The following AGBL4 variants were observed in gnomAD, a reference collection of about 807,000 sequenced individuals.
AGBL4 encodes cytosolic carboxypeptidase 6.
A neutral mutation model predicts 66.4 loss-of-function variants in AGBL4; 58 were observed. The ratio of observed to expected loss-of-function variants is 0.87; its 90% CI spans 0.71 to 1.09. The LOEUF (loss-of-function observed/expected upper bound fraction) is 1.09, where lower values mean the gene tolerates loss of function less well. Ranked by LOEUF, AGBL4 falls within the 50% of genes least tolerant of loss-of-function variation. AGBL4 has a pLI of 0.00. For synonymous variants in AGBL4, 234 were observed against 222.9 expected, an observed-to-expected ratio of 1.05 and a Z score of -0.44; for missense variants, 579 against 631.0, an observed-to-expected ratio of 0.92 and a Z score of 0.88.
chr1:48,616,224 C>T (rs1645315619), intron 9 of AGBL4, among the ~76,000 whole-genome samples: 1 of 152,144 alleles, frequency 6.6e-6, no homozygotes, highest in Non-Finnish European at 1.5e-5. Flanking sequence ...CTGATCAGAA[C>T]TTGAATTTTA....
chr1:49,295,096 C>CTT (rs1248868774), intron 3 of AGBL4, among the ~76,000 whole-genome samples: 1 of 152,168 alleles, frequency 6.6e-6, no homozygotes, highest in Non-Finnish European at 1.5e-5. Context: ...GCATCCATGT[C>CTT]TTTGTTCTCA....
At chr1:49,073,551 C>A (rs1261316029) in intron 4 of AGBL4, among the ~76,000 whole-genome samples, 2 of 152,200 alleles carry the variant, frequency 1.3e-5, no homozygotes, top group African/African-American at 4.8e-5. Flanking sequence ...CCACTCCAAA[C>A]CTTGTTTGCC....
At chr1:49,249,876 C>G (rs1180782430) in intron 3 of AGBL4, among the ~76,000 whole-genome samples, 1 of 152,148 alleles carries the variant, frequency 6.6e-6, no homozygotes, top group East Asian at 1.9e-4. Context: ...AAAATACATA[C>G]ACAATGAAAT....
At chr1:49,404,465 T>C (rs1645153871) in intron 3 of AGBL4, among the ~76,000 whole-genome samples, 1 of 152,196 alleles carries the variant, frequency 6.6e-6, no homozygotes, top group Non-Finnish European at 1.5e-5. Context: ...TCCAGTGTGG[T>C]GTTTTGTGAG....
At chr1:48,751,493 A>C (rs1219284996) in intron 6 of AGBL4, among the ~76,000 whole-genome samples, 3 of 152,194 alleles carry the variant, frequency 2.0e-5, no homozygotes, top group African/African-American at 7.2e-5. Flanking sequence ...GCCTCAGGCA[A>C]GTTACCTAAT....
At chr1:49,200,717 A>G (rs934548075) in intron 4 of AGBL4, among the ~76,000 whole-genome samples, 4 of 152,222 alleles carry the variant, frequency 2.6e-5, no homozygotes, top group African/African-American at 9.6e-5. Flanking sequence ...TGCATAGGAC[A>G]AGGCATTTGG....
chr1:49,958,066 A>G (rs1397314837), intron 1 of AGBL4, among the ~76,000 whole-genome samples: 1 of 151,948 alleles, frequency 6.6e-6, no homozygotes, highest in Non-Finnish European at 1.5e-5. Flanking sequence ...TGGTGACAAA[A>G]TCTCTCAGCA....
chr1:49,277,908 C>A (rs1302176460), intron 3 of AGBL4, among the ~76,000 whole-genome samples: 1 of 152,138 alleles, frequency 6.6e-6, no homozygotes, highest in Non-Finnish European at 1.5e-5. Flanking sequence ...TAGTACAAGT[C>A]AACCTTTTTC....
intron 1 of AGBL4, among the ~76,000 whole-genome samples, chr1:49,927,591 T>C (rs1652904093): frequency 6.6e-6 from 1 of 151,900 alleles, no homozygotes; most frequent in Admixed American, 6.6e-5. Context: ...GTAGGGATTA[T>C]GGGGATTACA....
chr1:49,101,333 C>T (rs188452382), intron 4 of AGBL4, among the ~76,000 whole-genome samples: 39 of 152,052 alleles, frequency 2.6e-4, no homozygotes, highest in Admixed American at 9.8e-4. Flanking sequence ...ATTACAGGTG[C>T]GTGGCAGCAT....
intron 6 of AGBL4, among the ~76,000 whole-genome samples, chr1:48,674,400 A>T (rs919396257): frequency 6.6e-6 from 1 of 152,144 alleles, no homozygotes; most frequent in Non-Finnish European, 1.5e-5. Flanking sequence ...AAGTGATGAG[A>T]GCAGAGTAGA....
intron 3 of AGBL4, among the ~76,000 whole-genome samples, chr1:49,368,473 G>A (rs1412319627): frequency 6.6e-6 from 1 of 151,996 alleles, no homozygotes; most frequent in African/African-American, 2.4e-5. Context: ...CTATGAGGAA[G>A]TTACCATTAT....
At chr1:48,667,171 G>C (rs577414729) in intron 6 of AGBL4, among the ~76,000 whole-genome samples, 8 of 152,298 alleles carry the variant, frequency 5.3e-5, no homozygotes, top group South Asian at 4.1e-4. Context: ...GTACTCCTCT[G>C]TCCTTCAGTG....
chr1:48,538,605 G>C (rs888828054), intron 12 of AGBL4, among the ~76,000 whole-genome samples: 2 of 152,112 alleles, frequency 1.3e-5, no homozygotes, highest in Non-Finnish European at 2.9e-5. Flanking sequence ...TTGACCTCAG[G>C]CATCTCAGAC....
chr1:49,618,038 T>C (rs1645283595), intron 3 of AGBL4, among the ~76,000 whole-genome samples: 1 of 152,194 alleles, frequency 6.6e-6, no homozygotes, highest in Non-Finnish European at 1.5e-5. Context: ...TGGTGTGTGA[T>C]GTTCCCCTCC....
At chr1:49,654,068 CAG>C (rs1469076002) in intron 3 of AGBL4, among the ~76,000 whole-genome samples, 2 of 152,022 alleles carry the variant, frequency 1.3e-5, no homozygotes, top group East Asian at 3.9e-4. Context: ...TAAGGGCAGC[CAG>C]AGAGAAAGGC....
intron 11 of AGBL4, among the ~76,000 whole-genome samples, chr1:48,548,609 C>T (rs544420948): frequency 1.3e-5 from 2 of 152,322 alleles, no homozygotes; most frequent in East Asian, 3.9e-4. Flanking sequence ...CCCTGTCCTG[C>T]TCCTCCCCTT....
chr1:48,736,461 A>G lies in AGBL4; in HGVS notation c.635-73220T>C. ...CCGCTTCCCAGATGGACCTGAGAGG[A>G]ATAAGAACACCAGCACCTGTTTAGT... On this transcript the variant is annotated intron_variant, in intron 6 of 13. Coordinates refer to ENST00000371839, the MANE Select transcript of AGBL4 (RefSeq NM_032785.4). The surrounding 1 kb of genome is among the most constrained non-coding windows in gnomAD (Gnocchi z 4.0). 1 of 1,613,236 alleles carries G rather than the reference A, an allele frequency of 6.2e-7. No individual in the cohort carries two copies. The highest frequency in any genetic ancestry group is 1.3e-5 in the African/African-American group (1 of 75,030).
chr1:49,701,213 A>G (rs1351139086), intron 2 of AGBL4, among the ~76,000 whole-genome samples: 4 of 151,952 alleles, frequency 2.6e-5, no homozygotes, highest in Non-Finnish European at 5.9e-5. Context: ...AATCACTTGC[A>G]CCTAGGAGGT....
Sources: allele counts gnomAD v4.1 joint callset (sites outside exome capture counted in the v4.1 genomes callset), GRCh38; gene constraint gnomAD v4.1.1; non-coding constraint Gnocchi (gnomAD v3.1); transcripts MANE v1.5; gene names NCBI Gene and HGNC (gene_info 2026-07-23, HGNC 2026-07-21).